LRTM1: variants seen among roughly 807,000 people sequenced by gnomAD.
LRTM1 encodes leucine rich repeat transmembrane protein 1.
LRTM1 carries 38 observed loss-of-function variants against 32.4 expected under a neutral mutation model. That is an observed-to-expected ratio of 1.17 (90% CI 0.91 to 1.54). The LOEUF is 1.54. LRTM1 is among the 40% of genes most tolerant of loss of function. The pLI is 0.00. For missense variants in LRTM1, 466 were observed against 415.4 expected (o/e 1.12, Z -1.06); for synonymous variants, 186 against 169.9 (o/e 1.09, Z -0.74).
At chr3:54,941,441 C>A (rs1159820159) in intron 1 of LRTM1, among the ~76,000 whole-genome samples, 1 of 152,130 alleles carries the variant, frequency 6.6e-6, no homozygotes, top group African/African-American at 2.4e-5. Flanking sequence ...ACTTATTGGC[C>A]CAGGGATGGG....
chr3:54,919,739 A>T (rs1210173117), intron 2 of LRTM1, among the ~76,000 whole-genome samples: 1 of 152,210 alleles, frequency 6.6e-6, no homozygotes, highest in Non-Finnish European at 1.5e-5. Flanking sequence ...CTGCCATGAA[A>T]ACATGCTATT....
intron 1 of LRTM1, among the ~76,000 whole-genome samples, chr3:54,951,169 A>G (rs1296359775): frequency 6.6e-6 from 1 of 152,214 alleles, no homozygotes; most frequent in African/African-American, 2.4e-5. Context: ...ATTTTGGGGC[A>G]TAACTACAAG....
chr3:54,945,981 C>T (rs1443773376), intron 1 of LRTM1, among the ~76,000 whole-genome samples: 3 of 152,328 alleles, frequency 2.0e-5, no homozygotes, highest in Non-Finnish European at 2.9e-5. Flanking sequence ...TTCTTTGCCA[C>T]GCTTATTCGC....
intron 1 of LRTM1, among the ~76,000 whole-genome samples, chr3:54,936,348 A>G (rs1701328439): frequency 6.6e-6 from 1 of 152,196 alleles, no homozygotes; most frequent in Admixed American, 6.5e-5. Flanking sequence ...ATCTTTTCGT[A>G]TTATAAAGCC....
At chr3:54,939,537 CT>C (rs1431915922) in intron 1 of LRTM1, among the ~76,000 whole-genome samples, 1 of 152,234 alleles carries the variant, frequency 6.6e-6, no homozygotes, top group African/African-American at 2.4e-5. Context: ...GGGCAGCCTG[CT>C]GTCTGTCTGC....
At position 54,945,757 on chromosome 3, in the gene LRTM1, T is replaced by C. The variant is rs113850539; in HGVS notation, c.-221-20542A>G. ...GGCAGCCTTGCTTTTTTCAAGATTA[T>C]AGGTGTCCTGGGCCATTGTATGTTG... On this transcript the variant is annotated intron_variant, in intron 1 of 2. Transcript: ENST00000493075. Among the ~76,000 whole-genome samples, 819 of 152,260 alleles carry C rather than the reference T, an allele frequency of 5.4e-3. 4 individuals carry two copies. The highest frequency in any genetic ancestry group is 0.019 in the African/African-American group (785 of 41,542).
intron 2 of LRTM1, among the ~76,000 whole-genome samples, chr3:54,922,399 T>G (rs1403121059): frequency 2.0e-5 from 3 of 152,054 alleles, no homozygotes; most frequent in Non-Finnish European, 4.4e-5. Flanking sequence ...TGCTTACAAT[T>G]TAATCCACAA....
chr3:54,935,323 C>T (rs144189546), intron 1 of LRTM1, among the ~76,000 whole-genome samples: 6 of 152,246 alleles, frequency 3.9e-5, no homozygotes, highest in African/African-American at 1.4e-4. Context: ...TGTCAGCCTT[C>T]CAGCATTCAG....
At chr3:54,924,562 A>T in intron 2 of LRTM1, 57 bp downstream of exon 2, 1 of 1,363,488 alleles carries the variant, frequency 7.3e-7, no homozygotes. Flanking sequence ...AGAACAGATG[A>T]GATTCATCCT....
At chr3:54,939,733 T>C (rs75171505) in intron 1 of LRTM1, among the ~76,000 whole-genome samples, 2,642 of 152,300 alleles carry the variant, frequency 0.017, 74 homozygotes, top group African/African-American at 0.059. Flanking sequence ...CTCTCTTCAT[T>C]GCTGGGCAGG....
intron 1 of LRTM1, among the ~76,000 whole-genome samples, chr3:54,941,555 G>A (rs868634614): frequency 1.2e-4 from 18 of 152,214 alleles, no homozygotes; most frequent in South Asian, 4.1e-4. Flanking sequence ...AAATCTTAAC[G>A]ACATTTGGGT....
upstream of LRTM1, among the ~76,000 whole-genome samples, chr3:54,928,552 C>A (rs1219122632): frequency 6.6e-6 from 1 of 152,128 alleles, no homozygotes; most frequent in Non-Finnish European, 1.5e-5. Context: ...TCTTATTCAG[C>A]CAACATCTGT....
At chr3:54,925,356 C>G (rs1199174643) in intron 1 of LRTM1, 141 bp from the exon 2 acceptor site, 8 of 677,912 alleles carry the variant, frequency 1.2e-5, no homozygotes, top group African/African-American at 1.1e-4. Flanking sequence ...TTCTGTCACT[C>G]ACCGTCTTTA....
intron 1 of LRTM1, among the ~76,000 whole-genome samples, chr3:54,946,192 A>G (rs1162249853): frequency 2.0e-5 from 3 of 152,062 alleles, no homozygotes; most frequent in Admixed American, 6.5e-5. Context: ...CCTGCCTCTC[A>G]CTTTGCCTGT....
chr3:54,919,713 T>C (rs1700780444), intron 2 of LRTM1, among the ~76,000 whole-genome samples: 1 of 152,220 alleles, frequency 6.6e-6, no homozygotes. Flanking sequence ...AAAATGTGCT[T>C]CGCTGACTTA....
At chr3:54,921,862 T>C (rs1359677657) in intron 2 of LRTM1, among the ~76,000 whole-genome samples, 4 of 151,564 alleles carry the variant, frequency 2.6e-5, no homozygotes, top group Non-Finnish European at 4.4e-5. Flanking sequence ...TAGTCTGTTA[T>C]GTCGGTTAGC....
chr3:54,926,505 T>TACACACACAC (rs36205023), intron 1 of LRTM1, among the ~76,000 whole-genome samples: 17 of 143,408 alleles, frequency 1.2e-4, no homozygotes, highest in South Asian at 1.2e-3. Context: ...GCCTGTCAAA[T>TACACACACAC]ACACACACAC....
intron 1 of LRTM1, among the ~76,000 whole-genome samples, chr3:54,936,064 C>G (rs558206666): frequency 6.6e-6 from 1 of 152,130 alleles, no homozygotes; most frequent in East Asian, 1.9e-4. Flanking sequence ...GAATGAGTTA[C>G]TTAACCTCTC....
At chr3:54,957,635 T>A (rs968655790) in intron 1 of LRTM1, among the ~76,000 whole-genome samples, 7 of 152,078 alleles carry the variant, frequency 4.6e-5, no homozygotes, top group African/African-American at 1.7e-4. Flanking sequence ...GTGCTGTAAC[T>A]GGCCAGATTC....
Sources: gnomAD v4.1 joint callset for allele counts (sites outside exome capture counted in the v4.1 genomes callset) on GRCh38, gnomAD v4.1.1 for gene constraint, MANE v1.5 for transcripts, NCBI Gene and HGNC (gene_info 2026-07-23, HGNC 2026-07-21) for gene names.